Variants in ZNF514 observed in about 807,000 individuals in gnomAD.
The protein encoded by ZNF514 is zinc finger protein 514.
In ZNF514, 12 loss-of-function variants were observed where a neutral mutation model predicts 9.7. The observed-to-expected ratio is 1.24, with a 90% CI of 0.79 to 2.01. The LOEUF (loss-of-function observed/expected upper bound fraction) is 2.01. ZNF514 is among the 30% of genes most tolerant of loss of function. The pLI is 0.00. For missense variants in ZNF514, 467 were observed against 465.5 expected, an observed-to-expected ratio of 1.00 and a Z score of -0.03; for synonymous variants, 158 against 163.7, an observed-to-expected ratio of 0.97 and a Z score of 0.27.
At chr2:95,151,524 C>T (rs1179880988) in intron 4 of ZNF514, among the ~76,000 whole-genome samples, 1 of 152,256 alleles carries the variant, frequency 6.6e-6, no homozygotes, top group Non-Finnish European at 1.5e-5. Flanking sequence ...CCATGTGATA[C>T]ACATGCCAGA....
the ZNF514 span, among the ~76,000 whole-genome samples, chr2:95,130,590 C>T: frequency 2.0e-5 from 3 of 152,178 alleles, no homozygotes; most frequent in Non-Finnish European, 4.4e-5. Context: ...TTCTCAGGGA[C>T]GTTCCATGCT....
Position 95,156,099 on chromosome 2 carries a change from C to T in ZNF514, c.-7+1252G>A, listed in dbSNP as rs535941120. 2.6e-5 allele frequency among the ~76,000 whole-genome samples: 4 copies of T among 152,366 alleles called. No individual in the cohort carries two copies. In the South Asian group the frequency reaches 6.2e-4, roughly 24 times the overall value. Reference sequence around the variant, plus strand: ...CTCTGATAAACCTCTGAATGATGTACATCAGGGCCAAAAATATTTAACTGC... The same window carrying T: ...CTCTGATAAACCTCTGAATGATGTATATCAGGGCCAAAAATATTTAACTGC... On this transcript the variant is annotated intron_variant, in intron 2 of 4. Transcript: ENST00000295208.
In ZNF514 at chr2:95,147,852, G is replaced by A. The variant is rs1673406090; in HGVS notation, c.*1430C>T. On this transcript the variant is annotated 3_prime_UTR_variant, in exon 5 of 5. Transcript: ENST00000295208. ...GACAGGGTTTCACTGTGTTAGCCAG[G>A]ATGGTCTCGAACTCCTGACCTCGTG... is the stretch of plus-strand genomic sequence containing the variant. 1 of 152,128 alleles carries A rather than the reference G, an allele frequency of 6.6e-6. No homozygotes were observed. The highest frequency in any genetic ancestry group is 2.1e-4 in the South Asian group (1 of 4,824). 9.4% of individuals were successfully genotyped at this position (152,128 alleles called of 1,614,324 possible).
downstream of ZNF514, among the ~76,000 whole-genome samples, chr2:95,140,492 T>C (rs1558696166): frequency 1.3e-5 from 2 of 151,756 alleles, no homozygotes; most frequent in Non-Finnish European, 2.9e-5. Context: ...TGGTGGCATT[T>C]GCCTGTAATC....
At chr2:95,158,965 C>G (rs1471394757) in intron 1 of ZNF514, 1 of 1,289,310 alleles carries the variant, frequency 7.8e-7, no homozygotes, top group Non-Finnish European at 1.0e-6. Flanking sequence ...AGAGCCAAAC[C>G]TGATGCTGTG....
chr2:95,128,808 G>C, the ZNF514 span, among the ~76,000 whole-genome samples: 1 of 151,948 alleles, frequency 6.6e-6, no homozygotes, highest in Non-Finnish European at 1.5e-5. Flanking sequence ...GGAGGAGAAG[G>C]AAAGGTGGAA....
At position 95,152,740 on chromosome 2, in the gene ZNF514, A is replaced by G. The variant is rs1396500860; in HGVS notation, c.151T>C (p.Cys51Arg). The change falls in exon 4 of 5, where the codon TGC becomes CGC. Residue 51 changes from cysteine to arginine, a missense_variant. Coordinates refer to ENST00000295208, the MANE Select transcript of ZNF514 (RefSeq NM_032788.3). ...GLLVSKPYVI[C>R]QLEEGGEPFM... ...GGCTCACCCCCTTCCTCCAACTGGC[A>G]GATCACATATGGTTTGGATACTAGA... 5 of 1,614,102 alleles carry G rather than the reference A, an allele frequency of 3.1e-6. No homozygotes were observed. The highest frequency in any genetic ancestry group is 2.2e-5 in the East Asian group (1 of 44,896).
chr2:95,125,032 ACC>A, the ZNF514 span, among the ~76,000 whole-genome samples: 9 of 148,742 alleles, frequency 6.1e-5, no homozygotes, highest in Non-Finnish European at 1.2e-4. Context: ...GGCCTGTGCC[ACC>A]ATGCCCAGCT....
Position 95,146,108 on chromosome 2 carries a change from T to C in ZNF514, c.*3174A>G, listed in dbSNP as rs1449951662. Reference sequence around the variant, plus strand: ...GTCTGTTTTTGTTAGTCTTAAGGTCTCTGTTTTAAGGCAAATGCTGGTCAA... The same window carrying C: ...GTCTGTTTTTGTTAGTCTTAAGGTCCCTGTTTTAAGGCAAATGCTGGTCAA... On this transcript the variant is annotated 3_prime_UTR_variant, in exon 5 of 5. Transcript: ENST00000295208. Among the ~76,000 whole-genome samples the C allele has an allele frequency of 6.6e-6, 1 of 152,262 alleles. No homozygotes were observed. The highest frequency in any genetic ancestry group is 2.4e-5 in the African/African-American group (1 of 41,470).
chr2:95,123,561 C>T, the ZNF514 span, among the ~76,000 whole-genome samples: 3 of 152,194 alleles, frequency 2.0e-5, no homozygotes, highest in African/African-American at 7.2e-5. Context: ...CATGAGTAAA[C>T]CAAGCCCAAG....
chr2:95,138,035 T>C, the ZNF514 span, among the ~76,000 whole-genome samples: 1 of 152,204 alleles, frequency 6.6e-6, no homozygotes. Flanking sequence ...TCCACCATGA[T>C]TGTAGCTTCC....
chr2:95,123,999 C>T, the ZNF514 span, among the ~76,000 whole-genome samples: 1 of 152,178 alleles, frequency 6.6e-6, no homozygotes, highest in African/African-American at 2.4e-5. Flanking sequence ...AACTATAGTA[C>T]AACATCAAAA....
At chr2:95,127,537 C>G in the ZNF514 span, among the ~76,000 whole-genome samples, 1 of 152,084 alleles carries the variant, frequency 6.6e-6, no homozygotes, top group African/African-American at 2.4e-5. Flanking sequence ...ACCTCACTAT[C>G]TTCATTGTGT....
At chr2:95,144,224 C>T (rs1418474051), downstream of ZNF514, among the ~76,000 whole-genome samples, 2 of 152,092 alleles carry the variant, frequency 1.3e-5, no homozygotes, top group African/African-American at 2.4e-5. Flanking sequence ...GACAGACCCC[C>T]GCATTTTCTG....
chr2:95,149,729 T>C lies in ZNF514; in HGVS notation c.756A>G (p.Arg252=), dbSNP rs755926475. ...CATAGGGCTTTTCTCCAGTATGAGT[T>C]CTTTGATGTTTAATAAGGGATGAAA... ...GHISSLIKHQ[R]THTGEKPYEC... Residue 252 remains arginine, a synonymous_variant, in exon 5 of 5, where the codon AGA becomes AGG. Coordinates refer to ENST00000295208, the MANE Select transcript of ZNF514 (RefSeq NM_032788.3). 3.7e-6 allele frequency: 6 copies of C among 1,614,214 alleles called. No individual in the cohort carries two copies. The East Asian group carries it at 1.1e-4, about 30-fold the overall frequency.
the ZNF514 span, among the ~76,000 whole-genome samples, chr2:95,129,730 G>C: frequency 6.6e-6 from 1 of 152,182 alleles, no homozygotes; most frequent in African/African-American, 2.4e-5. Context: ...CATTGCCTGG[G>C]AGTAGTGGCT....
At chr2:95,127,748 A>G in the ZNF514 span, among the ~76,000 whole-genome samples, 1 of 152,086 alleles carries the variant, frequency 6.6e-6, no homozygotes, top group South Asian at 2.1e-4. Flanking sequence ...AGCTGGGATT[A>G]CAGGTGCCTG....
chr2:95,139,645 G>C, the ZNF514 span, among the ~76,000 whole-genome samples: 1 of 151,712 alleles, frequency 6.6e-6, no homozygotes, highest in Non-Finnish European at 1.5e-5. Context: ...CACTTGCCTT[G>C]TCTCAAATGA....
the ZNF514 span, among the ~76,000 whole-genome samples, chr2:95,132,256 T>C: frequency 6.6e-6 from 1 of 150,736 alleles, no homozygotes; most frequent in Non-Finnish European, 1.5e-5. Context: ...GTATCTAGAA[T>C]TTATGAAGAA....
Sources: gnomAD v4.1 joint callset for allele counts (sites outside exome capture counted in the v4.1 genomes callset) on GRCh38, gnomAD v4.1.1 for gene constraint, MANE v1.5 for transcripts, NCBI Gene and HGNC (gene_info 2026-07-23, HGNC 2026-07-21) for gene names.